PCDHA8: variants seen among roughly 807,000 people sequenced by gnomAD.
PCDHA8 encodes the protein protocadherin alpha-8.
PCDHA8 carries 53 observed loss-of-function variants against 61.8 expected under a neutral mutation model. The observed-to-expected ratio is 0.86, with a 90% confidence interval of 0.69 to 1.08. PCDHA8 has a LOEUF of 1.08. PCDHA8 is among the 50% of genes least tolerant of loss of function. The pLI is 0.00. For synonymous variants in PCDHA8, 618 were observed against 556.6 expected, an observed-to-expected ratio of 1.11 and a Z score of -1.55; for missense variants, 1,293 against 1,245.0, an observed-to-expected ratio of 1.04 and a Z score of -0.58.
chr5:140,924,253 A>G (rs550218351), intron 1 of PCDHA8, among the ~76,000 whole-genome samples: 1 of 152,212 alleles, frequency 6.6e-6, no homozygotes, highest in African/African-American at 2.4e-5. Context: ...TCCTGGTGAG[A>G]TCTAATGAGG....
intron 1 of PCDHA8, chr5:140,861,479 T>C: frequency 2.0e-6 from 1 of 490,568 alleles, no homozygotes; most frequent in Non-Finnish European, 4.2e-6. Context: ...AGAATGGCAT[T>C]TTTGTGAGTT....
rs148820707 is a variant in PCDHA8, at chr5:140,954,545, G to A, written c.2395-24404G>A. ...AGTGATGTTGAGGTTTTTTTCATAT[G>A]TTTGTTGGCTGCATGACTGTCTTCT... On this transcript the variant is annotated intron_variant, in intron 1 of 3. Coordinates refer to ENST00000531613, the MANE Select transcript of PCDHA8 (RefSeq NM_018911.3). 4.6e-3 allele frequency among the ~76,000 whole-genome samples: 702 copies of A among 152,204 alleles called. 2 individuals are homozygous for A. The highest frequency in any genetic ancestry group is 0.016 in the African/African-American group (679 of 41,554).
intron 1 of PCDHA8, chr5:140,871,028 C>T (rs782198197): frequency 1.2e-5 from 20 of 1,613,116 alleles, no homozygotes; most frequent in Admixed American, 1.7e-5. Context: ...GCAGACTCGC[C>T]GCGCCACCGA....
rs529079699 is a variant in PCDHA8, at chr5:140,984,687, T to C, written c.2542+2124T>C. ...TTAGGTTTTTAGGACTCAATATATGTTCTGCACTGCTTGGAGGGAATATGG... is the reference window on the plus strand; with the variant it reads ...TTAGGTTTTTAGGACTCAATATATGCTCTGCACTGCTTGGAGGGAATATGG... On this transcript the variant is annotated intron_variant, in intron 3 of 3. Transcript: ENST00000531613. Among the ~76,000 whole-genome samples the C allele has an allele frequency of 2.0e-5, 3 of 152,332 alleles. No individual in the cohort carries two copies. The East Asian group carries it at 5.8e-4, about 29-fold the overall frequency.
intron 1 of PCDHA8, among the ~76,000 whole-genome samples, chr5:140,935,092 C>T (rs1015892831): frequency 2.6e-5 from 4 of 152,100 alleles, no homozygotes; most frequent in Non-Finnish European, 5.9e-5. Context: ...TTCCCAGAAT[C>T]AGCCATTTTT....
chr5:140,845,477 G>A (rs2150379213), intron 1 of PCDHA8, among the ~76,000 whole-genome samples: 4 of 149,604 alleles, frequency 2.7e-5, no homozygotes, highest in Non-Finnish European at 6.0e-5. Flanking sequence ...ATTTGGGGTT[G>A]TGCTTTCACA....
At chr5:140,864,331 T>C (rs2048422342) in intron 1 of PCDHA8, 1 of 152,248 alleles carries the variant, frequency 6.6e-6, no homozygotes, top group Admixed American at 6.5e-5. Flanking sequence ...CATAATTATT[T>C]GAGTTTAAAA....
chr5:140,926,766 C>A (rs950499262), intron 1 of PCDHA8: 34 of 1,343,396 alleles, frequency 2.5e-5, no homozygotes, highest in Non-Finnish European at 3.3e-5. Context: ...GAGTATCCAG[C>A]CCGCAGCAGT....
In PCDHA8 at chr5:140,968,167, A is replaced by G. The variant is rs782252124; in HGVS notation, c.2395-10782A>G. 1.3e-4 allele frequency: 217 copies of G among 1,613,958 alleles called. 1 individual carries two copies. The highest frequency in any genetic ancestry group is 9.3e-6 in the Non-Finnish European group (11 of 1,180,038). On this transcript the variant is annotated intron_variant, in intron 1 of 3. Transcript: ENST00000531613. ...TCTCTGACATCAATGACAATCCACC[A>G]AGCTTCCTGGAGGACTCCTATTCCA...
At chr5:140,980,196 A>T (rs1404667828) in intron 2 of PCDHA8, among the ~76,000 whole-genome samples, 1 of 152,214 alleles carries the variant, frequency 6.6e-6, no homozygotes, top group Non-Finnish European at 1.5e-5. Flanking sequence ...TTTATTAGAG[A>T]CCAACTTGTG....
chr5:140,963,348 T>C (rs1415746589), intron 1 of PCDHA8, among the ~76,000 whole-genome samples: 7 of 152,234 alleles, frequency 4.6e-5, no homozygotes, highest in Admixed American at 4.6e-4. Context: ...GTAAATTTAG[T>C]TCTTTTCAAA....
rs371795952 is a variant in PCDHA8 at position 140,857,797 on chromosome 5, G to T, written c.2394+14082G>T. ...CAGTCAGTGAGCTGGTGCTGCGGTC[G>T]GTGGTTGCGGGTCACGTGGTGGCTA... On this transcript the variant is annotated intron_variant, in intron 1 of 3. Transcript: ENST00000531613. 12 of 1,597,706 alleles carry T rather than the reference G, an allele frequency of 7.5e-6. 1 individual carries two copies. In the East Asian group the frequency reaches 1.6e-4, roughly 21 times the overall value.
chr5:140,949,664 A>T (rs2094409163), intron 1 of PCDHA8, among the ~76,000 whole-genome samples: 1 of 151,578 alleles, frequency 6.6e-6, no homozygotes, highest in African/African-American at 2.4e-5. Context: ...TTGTTTCTTT[A>T]AAGTATGCCC....
At chr5:140,882,228 T>G in intron 1 of PCDHA8, 1 of 1,564,682 alleles carries the variant, frequency 6.4e-7, no homozygotes, top group Non-Finnish European at 8.7e-7. Context: ...GGTAAGGCGT[T>G]GTATATATTG....
At chr5:140,986,950 A>C (rs1161887732) in intron 3 of PCDHA8, among the ~76,000 whole-genome samples, 1 of 152,164 alleles carries the variant, frequency 6.6e-6, no homozygotes, top group Admixed American at 6.5e-5. Flanking sequence ...GTGGTCGCTC[A>C]TGCCTGTAAT....
Position 140,849,759 on chromosome 5 carries a change from G to A in PCDHA8, c.2394+6044G>A, listed in dbSNP as rs140660802. On this transcript the variant is annotated intron_variant, in intron 1 of 3. Coordinates refer to ENST00000531613, the MANE Select transcript of PCDHA8 (RefSeq NM_018911.3). Reference sequence around the variant, plus strand: ...GGACCGCGAGAGTGTGTCCGCCTACGAGCTGGTGGTTACCGCGCGGGACGG... The same window carrying A: ...GGACCGCGAGAGTGTGTCCGCCTACAAGCTGGTGGTTACCGCGCGGGACGG... The A allele has an allele frequency of 1.8e-5, 29 of 1,598,444 alleles. 5 individuals are homozygous for A. The Admixed American group carries it at 3.9e-4, about 21-fold the overall frequency.
intron 1 of PCDHA8, among the ~76,000 whole-genome samples, chr5:140,912,342 TA>T (rs1371454067): frequency 9.7e-5 from 12 of 123,478 alleles, no homozygotes; most frequent in African/African-American, 4.4e-4. Context: ...GTACACTAAG[TA>T]TTTTTTTTTT....
chr5:140,995,113 A>T (rs560699104), intron 3 of PCDHA8, among the ~76,000 whole-genome samples: 1 of 152,370 alleles, frequency 6.6e-6, no homozygotes, highest in East Asian at 1.9e-4. Flanking sequence ...CAAGACCCTC[A>T]GTGGATGCCT....
chr5:140,885,011 C>T (rs545880418), intron 1 of PCDHA8, among the ~76,000 whole-genome samples: 16 of 152,240 alleles, frequency 1.1e-4, no homozygotes, highest in Admixed American at 5.9e-4. Context: ...TGAGGCTAAT[C>T]GTAATCTTAA....
Sources: allele counts gnomAD v4.1 joint callset (sites outside exome capture counted in the v4.1 genomes callset), GRCh38; gene constraint gnomAD v4.1.1; transcripts MANE v1.5; gene names NCBI Gene and HGNC (gene_info 2026-07-23, HGNC 2026-07-21).